MCC: variants seen among roughly 807,000 people sequenced by gnomAD.
MCC encodes the protein MCC regulator of Wnt signaling pathway, also known as colorectal mutant cancer protein.
MCC carries 90 observed loss-of-function variants against 116.2 expected under a neutral mutation model. The ratio of observed to expected loss-of-function variants is 0.77; its 90% CI spans 0.65 to 0.92. The LOEUF (loss-of-function observed/expected upper bound fraction) is 0.92. Ranked by LOEUF, MCC falls within the 40% of genes least tolerant of loss-of-function variation. The pLI, the probability that MCC is intolerant of heterozygous loss-of-function variation, is 0.00. For missense variants in MCC, 1,516 were observed against 1,312.2 expected, an observed-to-expected ratio of 1.16 and a Z score of -2.40; for synonymous variants, 578 against 510.5, an observed-to-expected ratio of 1.13 and a Z score of -1.78.
At chr5:113,406,150 A>C (rs1322401159) in intron 1 of MCC, among the ~76,000 whole-genome samples, 1 of 152,230 alleles carries the variant, frequency 6.6e-6, no homozygotes, top group Non-Finnish European at 1.5e-5. Context: ...TGCCTGCACT[A>C]TTGAATGTGC....
At chr5:113,358,348 G>A (rs1768463953) in intron 2 of MCC, among the ~76,000 whole-genome samples, 1 of 152,170 alleles carries the variant, frequency 6.6e-6, no homozygotes, top group Non-Finnish European at 1.5e-5. Context: ...CTTCCTGGCA[G>A]CAGTAATGAC....
At chr5:113,145,423 T>G (rs1460059568) in intron 4 of MCC, among the ~76,000 whole-genome samples, 1 of 152,186 alleles carries the variant, frequency 6.6e-6, no homozygotes, top group Non-Finnish European at 1.5e-5. Context: ...ACATTTCCAC[T>G]TACACACTCA....
At chr5:113,089,439 G>A (rs1755441573) in intron 8 of MCC, among the ~76,000 whole-genome samples, 1 of 152,208 alleles carries the variant, frequency 6.6e-6, no homozygotes, top group South Asian at 2.1e-4. Context: ...AGGAGAAAAT[G>A]GACTGAAGTA....
intron 3 of MCC, among the ~76,000 whole-genome samples, chr5:113,314,915 G>A (rs1767242346): frequency 1.3e-5 from 2 of 152,178 alleles, no homozygotes; most frequent in African/African-American, 4.8e-5. Context: ...TTCACTTTGG[G>A]AAGTCAGTTC....
intron 6 of MCC, among the ~76,000 whole-genome samples, chr5:113,105,059 A>G (rs1756650741): frequency 6.6e-6 from 1 of 152,242 alleles, no homozygotes; most frequent in Non-Finnish European, 1.5e-5. Context: ...TGTGATTCAG[A>G]TATATCTTAG....
At chr5:113,101,166 T>C (rs1259051033) in intron 8 of MCC, among the ~76,000 whole-genome samples, 1 of 152,140 alleles carries the variant, frequency 6.6e-6, no homozygotes, top group African/African-American at 2.4e-5. Context: ...CATACACATC[T>C]GTAAACACAG....
At position 113,132,423 on chromosome 5, in the gene MCC, C is replaced by CACATATATATATAT. The variant is rs1561384956; in HGVS notation, c.885-9598_885-9597insATATATATATATGT. ...ACATACATACATATATATATACACA[C>CACATATATATATAT]ATACATATATATATATATATACACA... On this transcript the variant is annotated intron_variant, in intron 5 of 18. Transcript: ENST00000408903. Among the ~76,000 whole-genome samples the CACATATATATATAT allele has an allele frequency of 1.8e-4, 24 of 130,168 alleles. No individual in the cohort carries two copies. In the East Asian group the frequency reaches 1.9e-3, roughly 10 times the overall value. The allele number at this position is 130,168 out of a possible 152,430, so 85.4% of individuals were successfully genotyped here. A position where few individuals can be genotyped will look rare whatever the true frequency, so the allele number is the denominator to read the frequency against.
intron 1 of MCC, 62 bp downstream of exon 1, chr5:113,488,183 G>A (rs1772599108): frequency 3.9e-6 from 6 of 1,535,248 alleles, no homozygotes; most frequent in Non-Finnish European, 4.4e-6. Context: ...CAGAGCAGGG[G>A]TCAAGGGCGC....
chr5:113,352,735 G>T (rs1768307776), intron 2 of MCC, among the ~76,000 whole-genome samples: 1 of 151,970 alleles, frequency 6.6e-6, no homozygotes, highest in African/African-American at 2.4e-5. Flanking sequence ...TATAGTAAGA[G>T]ATGAGGAAGG....
chr5:113,361,201 C>T (rs1051942446), intron 2 of MCC, among the ~76,000 whole-genome samples: 10 of 151,048 alleles, frequency 6.6e-5, no homozygotes, highest in South Asian at 6.3e-4. Flanking sequence ...GTTATTAGTG[C>T]CTTATCTTTT....
intron 1 of MCC, among the ~76,000 whole-genome samples, chr5:113,484,603 T>G (rs1320400501): frequency 6.6e-6 from 1 of 152,190 alleles, no homozygotes; most frequent in Admixed American, 6.5e-5. Flanking sequence ...AGTACTATGA[T>G]GGACAATAAC....
chr5:113,060,720 C>G (rs557507375), intron 14 of MCC, among the ~76,000 whole-genome samples: 1 of 152,350 alleles, frequency 6.6e-6, no homozygotes, highest in East Asian at 1.9e-4. Context: ...ACCTTGTTCT[C>G]ATAGAACCTA....
At chr5:113,195,493 C>T (rs903531282) in intron 3 of MCC, among the ~76,000 whole-genome samples, 1 of 152,142 alleles carries the variant, frequency 6.6e-6, no homozygotes, top group Non-Finnish European at 1.5e-5. Context: ...TGTCGCCACT[C>T]CCCTTTAATG....
chr5:113,193,583 T>G (rs1762247792), intron 3 of MCC, among the ~76,000 whole-genome samples: 1 of 152,212 alleles, frequency 6.6e-6, no homozygotes, highest in South Asian at 2.1e-4. Context: ...AGTGTTTGTG[T>G]ATGCGTGGGT....
chr5:113,071,949 TAGGA>T (rs1754071110), intron 11 of MCC, among the ~76,000 whole-genome samples: 1 of 152,200 alleles, frequency 6.6e-6, no homozygotes, highest in Admixed American at 6.5e-5. Context: ...TAACTAGTGG[TAGGA>T]TAAGCATTGG....
chr5:113,313,738 C>T (rs1767195641), intron 3 of MCC, among the ~76,000 whole-genome samples: 1 of 152,186 alleles, frequency 6.6e-6, no homozygotes, highest in Non-Finnish European at 1.5e-5. Context: ...ATTCCATATT[C>T]TCTCAAAGCT....
chr5:113,137,901 T>C (rs887498941), intron 5 of MCC, among the ~76,000 whole-genome samples: 2 of 152,154 alleles, frequency 1.3e-5, no homozygotes, highest in African/African-American at 4.8e-5. Context: ...GAGTCCATAA[T>C]GCGACTTACC....
At chr5:113,283,597 C>G (rs756343593) in intron 3 of MCC, among the ~76,000 whole-genome samples, 2 of 152,146 alleles carry the variant, frequency 1.3e-5, no homozygotes, top group Non-Finnish European at 2.9e-5. Context: ...CTTGACCAAT[C>G]ACTCCCTGTC....
chr5:113,264,545 A>C (rs1765344729), intron 3 of MCC, among the ~76,000 whole-genome samples: 1 of 152,136 alleles, frequency 6.6e-6, no homozygotes, highest in African/African-American at 2.4e-5. Flanking sequence ...AGCTATTATA[A>C]AAGTAAACAC....
Sources: allele counts gnomAD v4.1 joint callset (sites outside exome capture counted in the v4.1 genomes callset), GRCh38; gene constraint gnomAD v4.1.1; transcripts MANE v1.5; gene names NCBI Gene and HGNC (gene_info 2026-07-23, HGNC 2026-07-21).